SORCS2: variants seen among roughly 807,000 people sequenced by gnomAD.
SORCS2 encodes the protein sortilin related VPS10 domain containing receptor 2.
A neutral mutation model predicts 141.6 loss-of-function variants in SORCS2; 100 were observed. That is an observed-to-expected ratio of 0.71 (90% CI 0.60 to 0.83). The LOEUF is 0.83. Ranked by LOEUF, SORCS2 falls within the 40% of genes least tolerant of loss-of-function variation. SORCS2 has a pLI of 0.00. For synonymous variants in SORCS2, 789 were observed against 676.9 expected, an observed-to-expected ratio of 1.17 and a Z score of -2.57; for missense variants, 1,646 against 1,560.2, an observed-to-expected ratio of 1.05 and a Z score of -0.93.
chr4:7,198,547 C>CTG (rs546680006), intron 1 of SORCS2, among the ~76,000 whole-genome samples: 210 of 152,238 alleles, frequency 1.4e-3, no homozygotes, highest in African/African-American at 4.8e-3. Context: ...GGTGGCTGAG[C>CTG]TGTGGCTGGT....
chr4:7,275,705 A>G (rs1560157599), intron 1 of SORCS2, among the ~76,000 whole-genome samples: 2 of 151,924 alleles, frequency 1.3e-5, no homozygotes, highest in Admixed American at 6.6e-5. Context: ...CTGGATTGCT[A>G]TTCTTACTAG....
chr4:7,707,390 C>T (rs1033438303), intron 14 of SORCS2, among the ~76,000 whole-genome samples: 44 of 152,186 alleles, frequency 2.9e-4, no homozygotes, highest in Non-Finnish European at 4.4e-4. Flanking sequence ...GCCATCAGTT[C>T]CAGCTGAGCC....
chr4:7,287,927 G>A (rs1716336571), intron 1 of SORCS2, among the ~76,000 whole-genome samples: 1 of 152,250 alleles, frequency 6.6e-6, no homozygotes, highest in Non-Finnish European at 1.5e-5. Flanking sequence ...TCCACATGCA[G>A]GCCGATTGGA....
chr4:7,676,296 C>A, intron 9 of SORCS2, 67 bp downstream of exon 9: 2 of 1,480,702 alleles, frequency 1.4e-6, no homozygotes, highest in Non-Finnish European at 1.8e-6. Flanking sequence ...CTCACCCCAC[C>A]TCTTCCTCCC....
intron 2 of SORCS2, among the ~76,000 whole-genome samples, chr4:7,442,640 C>A (rs1727750250): frequency 7.1e-6 from 1 of 140,270 alleles, no homozygotes; most frequent in African/African-American, 2.7e-5. Flanking sequence ...CCACCCCCTC[C>A]CCCAGCTCTG....
chr4:7,221,240 G>T (rs990046419), intron 1 of SORCS2, among the ~76,000 whole-genome samples: 2 of 152,160 alleles, frequency 1.3e-5, no homozygotes, highest in Non-Finnish European at 2.9e-5. Flanking sequence ...CGCAGACTTT[G>T]GTGTGTGTCA....
At chr4:7,732,475 C>A (rs1002757691) in intron 23 of SORCS2, among the ~76,000 whole-genome samples, 1 of 152,152 alleles carries the variant, frequency 6.6e-6, no homozygotes, top group Non-Finnish European at 1.5e-5. Flanking sequence ...GGAGGATGCC[C>A]GTGGCCCACA....
intron 2 of SORCS2, chr4:7,431,530 A>C (rs1298296106): frequency 6.6e-6 from 1 of 152,274 alleles, no homozygotes; most frequent in Non-Finnish European, 1.5e-5. Flanking sequence ...ACCGGCAGGC[A>C]GACAGAGAGC....
In SORCS2 at chr4:7,663,214, G is replaced by A. The variant is rs1372496178; in HGVS notation, c.953-1139G>A. ...GTGAGTGAAGAGTGAATGAGTGAGT[G>A]AATGAGTGAGTGAAGAGTGAATAAG... On this transcript the variant is annotated intron_variant, in intron 6 of 26. Transcript: ENST00000507866. The surrounding 1 kb of genome is among the most constrained non-coding windows in gnomAD (Gnocchi z 4.8). 9.2e-5 allele frequency among the ~76,000 whole-genome samples: 14 copies of A among 151,936 alleles called. No homozygotes were observed. Among genetic ancestry groups the A allele is most frequent in the Admixed American group, 9.2e-4 (14 of 15,270 alleles).
At chr4:7,280,840 C>G (rs1715829720) in intron 1 of SORCS2, among the ~76,000 whole-genome samples, 1 of 152,152 alleles carries the variant, frequency 6.6e-6, no homozygotes, top group African/African-American at 2.4e-5. Context: ...TGATATAACC[C>G]AAGTACAGTG....
At chr4:7,447,935 G>A (rs1728103601) in intron 2 of SORCS2, among the ~76,000 whole-genome samples, 2 of 151,834 alleles carry the variant, frequency 1.3e-5, no homozygotes, top group East Asian at 1.9e-4. Flanking sequence ...GCCTTCACAC[G>A]CAGGCTGATG....
intron 1 of SORCS2, among the ~76,000 whole-genome samples, chr4:7,219,411 C>T (rs889970711): frequency 1.3e-5 from 2 of 152,156 alleles, no homozygotes; most frequent in Admixed American, 6.5e-5. Context: ...CCAGATGATT[C>T]ACTGTCGAGG....
intron 2 of SORCS2, among the ~76,000 whole-genome samples, chr4:7,461,506 A>T (rs796931004): frequency 1.5e-4 from 23 of 152,352 alleles, no homozygotes; most frequent in African/African-American, 5.3e-4. Flanking sequence ...ACATGGACTC[A>T]CGCCGCACTG....
At chr4:7,208,055 G>A (rs530989683) in intron 1 of SORCS2, among the ~76,000 whole-genome samples, 4 of 152,030 alleles carry the variant, frequency 2.6e-5, no homozygotes, top group Non-Finnish European at 5.9e-5. Context: ...CCTTGGCCCT[G>A]GGTGGGAGCC....
chr4:7,461,016 G>T (rs1333168623), intron 2 of SORCS2, among the ~76,000 whole-genome samples: 2 of 152,074 alleles, frequency 1.3e-5, no homozygotes, highest in Non-Finnish European at 2.9e-5. Flanking sequence ...GCTGCCCGGG[G>T]AGTGTCAGAA....
chr4:7,385,947 G>A (rs898486755), intron 1 of SORCS2, among the ~76,000 whole-genome samples: 1 of 152,178 alleles, frequency 6.6e-6, no homozygotes, highest in African/African-American at 2.4e-5. Flanking sequence ...CAGCCCCACT[G>A]GCATGAAAAT....
At chr4:7,235,379 C>A (rs2108781940) in intron 1 of SORCS2, among the ~76,000 whole-genome samples, 1 of 152,344 alleles carries the variant, frequency 6.6e-6, no homozygotes, top group East Asian at 1.9e-4. Flanking sequence ...ACTGGTAAGA[C>A]CCTCATTTTC....
chr4:7,502,776 T>C (rs1343659738), intron 2 of SORCS2, among the ~76,000 whole-genome samples: 1 of 133,466 alleles, frequency 7.5e-6, no homozygotes, highest in Non-Finnish European at 1.6e-5. Context: ...CAGAGACCAC[T>C]GTGCGGGGAG....
At chr4:7,533,378 G>C (rs1029506657) in intron 3 of SORCS2, among the ~76,000 whole-genome samples, 1 of 152,144 alleles carries the variant, frequency 6.6e-6, no homozygotes, top group Non-Finnish European at 1.5e-5. Context: ...GGGGGCTGGC[G>C]CTGACCCAGA....
Sources: allele counts gnomAD v4.1 joint callset (sites outside exome capture counted in the v4.1 genomes callset), GRCh38; gene constraint gnomAD v4.1.1; non-coding constraint Gnocchi (gnomAD v3.1); transcripts MANE v1.5; gene names NCBI Gene and HGNC (gene_info 2026-07-23, HGNC 2026-07-21).